The following EPS8 variants were observed in gnomAD, a reference collection of about 807,000 sequenced individuals.
The protein encoded by EPS8 is epidermal growth factor receptor kinase substrate 8.
A neutral mutation model predicts 103.8 loss-of-function variants in EPS8; 42 were observed. The ratio of observed to expected loss-of-function variants is 0.40; its 90% CI spans 0.32 to 0.52. EPS8 has a LOEUF of 0.52. EPS8 is among the 20% of genes least tolerant of loss of function. The pLI, the probability that EPS8 is intolerant of heterozygous loss-of-function variation, is 0.40. For synonymous variants in EPS8, 344 were observed against 344.6 expected (o/e 1.00, Z 0.02); for missense variants, 969 against 1,005.1 (o/e 0.96, Z 0.49).
Position 15,696,457 on chromosome 12 carries a change from T to C in EPS8, c.-21-13485A>G, listed in dbSNP as rs1946244267. On this transcript the variant is annotated intron_variant, in intron 1 of 20. Coordinates refer to ENST00000281172, the MANE Select transcript of EPS8 (RefSeq NM_004447.6). This position sits in a 1 kb window ranked among gnomAD's most constrained non-coding sequence, Gnocchi z 4.8. ...GAGTTCAAGACCAGCCTGGCCAGCA[T>C]CGTGAAACCCCATTTTTACTAAAAA... 6.6e-6 allele frequency among the ~76,000 whole-genome samples: 1 copy of C among 152,058 alleles called. No homozygotes were observed. The highest frequency in any genetic ancestry group is 1.5e-5 in the Non-Finnish European group (1 of 67,972).
intron 1 of EPS8, among the ~76,000 whole-genome samples, chr12:15,773,450 T>C (rs910747677): frequency 1.3e-5 from 2 of 151,920 alleles, no homozygotes; most frequent in African/African-American, 2.4e-5. Flanking sequence ...ATTAAACATA[T>C]GCACAGGACC....
At chr12:15,645,323 G>T (rs563997622) in intron 15 of EPS8, among the ~76,000 whole-genome samples, 330 of 152,024 alleles carry the variant, frequency 2.2e-3, no homozygotes, top group African/African-American at 7.4e-3. Context: ...CAATGATTAT[G>T]TTTCTCTTTT....
At position 15,715,394 on chromosome 12, in the gene EPS8, C is replaced by CTTTTTTTT. The variant is rs3086457; in HGVS notation, c.-21-32430_-21-32423dup. ...TTTCTTTTTTTTTTTCTTTACTTTT[C>CTTTTTTTT]TTTTTTTTTTTTTTTTGAGATGGAG... On this transcript the variant is annotated intron_variant, in intron 1 of 20. Coordinates refer to ENST00000281172, the MANE Select transcript of EPS8 (RefSeq NM_004447.6). Among the ~76,000 whole-genome samples the CTTTTTTTT allele has an allele frequency of 5.4e-4, 69 of 127,144 alleles. 4 individuals are homozygous for CTTTTTTTT. Among genetic ancestry groups the CTTTTTTTT allele is most frequent in the Non-Finnish European group, 8.4e-4 (53 of 63,228 alleles). 83.4% of individuals were successfully genotyped at this position (127,144 alleles called of 152,430 possible).
Position 15,621,332 on chromosome 12 carries a change from T to C in EPS8, c.2454A>G (p.Glu818=). The change falls in exon 21 of 21, where the codon GAA becomes GAG. Residue 818 remains glutamate, a synonymous_variant. Transcript: ENST00000281172. ...AACAAACAAATTAGTGACTGCTTCCTTCATCAAAAGATTCCACTCCTGAAT... is the reference window on the plus strand; with the variant it reads ...AACAAACAAATTAGTGACTGCTTCCCTCATCAAAAGATTCCACTCCTGAAT... ...ASDSGVESFD[E]GSSH is the part of the protein sequence containing the mutation. 5.1e-6 allele frequency: 8 copies of C among 1,575,864 alleles called. No homozygotes were observed. Among genetic ancestry groups the C allele is most frequent in the Non-Finnish European group, 6.9e-6 (8 of 1,160,412 alleles).
chr12:15,654,973 T>C (rs2135798255), intron 12 of EPS8, among the ~76,000 whole-genome samples: 1 of 152,258 alleles, frequency 6.6e-6, no homozygotes, highest in South Asian at 2.1e-4. Flanking sequence ...TTACTTCTTA[T>C]GAGCTATTTT....
At chr12:15,726,073 G>T (rs1024418474) in intron 1 of EPS8, among the ~76,000 whole-genome samples, 1 of 152,102 alleles carries the variant, frequency 6.6e-6, no homozygotes. Flanking sequence ...CATGAAAATT[G>T]AATAGACAGA....
At chr12:15,766,503 A>T (rs1947098328) in intron 1 of EPS8, among the ~76,000 whole-genome samples, 1 of 151,192 alleles carries the variant, frequency 6.6e-6, no homozygotes, top group Admixed American at 6.6e-5. Flanking sequence ...TCTCAAAAAA[A>T]AAAAAAAATA....
intron 15 of EPS8, among the ~76,000 whole-genome samples, chr12:15,644,370 T>C (rs1170803327): frequency 6.6e-6 from 1 of 152,190 alleles, no homozygotes; most frequent in African/African-American, 2.4e-5. Context: ...GCCCAATTCA[T>C]GTGCCACTTT....
At position 15,769,412 on chromosome 12, in the gene EPS8, C is replaced by G. The variant is rs1301698258; in HGVS notation, c.-22+19749G>C. On this transcript the variant is annotated intron_variant, in intron 1 of 20. Transcript: ENST00000281172. The surrounding 1 kb of genome is among the most constrained non-coding windows in gnomAD (Gnocchi z 4.6). ...AAAAAATAAATGAAAAATGCATTTT[C>G]AAGGATATATTAAAGAAAATCACTC... Among the ~76,000 whole-genome samples the G allele has an allele frequency of 3.3e-5, 5 of 151,876 alleles. No individual in the cohort carries two copies. The highest frequency in any genetic ancestry group is 1.2e-4 in the African/African-American group (5 of 41,336).
chr12:15,649,312 T>C (rs1262609443), intron 14 of EPS8, among the ~76,000 whole-genome samples: 2 of 152,194 alleles, frequency 1.3e-5, no homozygotes, highest in African/African-American at 4.8e-5. Context: ...GAGGCATACA[T>C]TATAAAGTGA....
Position 15,779,587 on chromosome 12 carries a change from T to C in EPS8, c.-22+9574A>G, listed in dbSNP as rs1028707468. ...AATATCTCAATAATATACATGTATT[T>C]CTATAATAAGGAATAACTTAGTAAT... On this transcript the variant is annotated intron_variant, in intron 1 of 20. Coordinates refer to ENST00000281172, the MANE Select transcript of EPS8 (RefSeq NM_004447.6). This position sits in a 1 kb window ranked among gnomAD's most constrained non-coding sequence, Gnocchi z 4.3. Among the ~76,000 whole-genome samples the C allele has an allele frequency of 6.6e-6, 1 of 152,228 alleles. No individual in the cohort carries two copies. The highest frequency in any genetic ancestry group is 2.4e-5 in the African/African-American group (1 of 41,468).
At chr12:15,720,067 C>T (rs957801871) in intron 1 of EPS8, among the ~76,000 whole-genome samples, 1 of 152,138 alleles carries the variant, frequency 6.6e-6, no homozygotes, top group Non-Finnish European at 1.5e-5. Flanking sequence ...AGACTCATAT[C>T]CCAACTCCAT....
At chr12:15,638,534 T>C (rs1298311629) in intron 17 of EPS8, among the ~76,000 whole-genome samples, 5 of 152,202 alleles carry the variant, frequency 3.3e-5, no homozygotes, top group Admixed American at 6.5e-5. Flanking sequence ...TGTACACATT[T>C]CTACACACAC....
At chr12:15,643,868 A>G (rs1945275652) in intron 15 of EPS8, among the ~76,000 whole-genome samples, 1 of 152,162 alleles carries the variant, frequency 6.6e-6, no homozygotes, top group South Asian at 2.1e-4. Context: ...AGACATAGAG[A>G]CAGCAGTAAT....
At chr12:15,669,100 T>G (rs541707049) in intron 6 of EPS8, among the ~76,000 whole-genome samples, 1 of 152,168 alleles carries the variant, frequency 6.6e-6, no homozygotes, top group Admixed American at 6.5e-5. Context: ...TGCCATGTTG[T>G]CCAGGCTGGG....
In EPS8 at chr12:15,721,961, A is replaced by T. The variant is rs1159858971; in HGVS notation, c.-21-38989T>A. ...TTATAAATTTTTCTAGTTTTTTTTT[A>T]ATGCATACATACTTTTTTTTTTCAA... On this transcript the variant is annotated intron_variant, in intron 1 of 20. Transcript: ENST00000281172. This position sits in a 1 kb window ranked among gnomAD's most constrained non-coding sequence, Gnocchi z 4.4. Among the ~76,000 whole-genome samples the T allele has an allele frequency of 6.6e-6, 1 of 151,758 alleles. No homozygotes were observed. The highest frequency in any genetic ancestry group is 1.5e-5 in the Non-Finnish European group (1 of 67,942).
At chr12:15,711,474 T>C (rs1321494868) in intron 1 of EPS8, among the ~76,000 whole-genome samples, 3 of 152,178 alleles carry the variant, frequency 2.0e-5, no homozygotes, top group African/African-American at 7.2e-5. Flanking sequence ...ACCTCTTTTA[T>C]AACTCAAGCT....
In EPS8 at chr12:15,772,579, G is replaced by A. The variant is rs1450442233; in HGVS notation, c.-22+16582C>T. Among the ~76,000 whole-genome samples the A allele has an allele frequency of 3.3e-5, 5 of 152,242 alleles. No individual in the cohort carries two copies. The highest frequency in any genetic ancestry group is 1.2e-4 in the African/African-American group (5 of 41,532). On this transcript the variant is annotated intron_variant, in intron 1 of 20. Transcript: ENST00000281172. The surrounding 1 kb of genome is among the most constrained non-coding windows in gnomAD (Gnocchi z 5.0). ...AAATAAATAAATAAATAAAGCATTGGCTCTCACTGCTGCCAACAGATGGTG... is the reference window on the plus strand; with the variant it reads ...AAATAAATAAATAAATAAAGCATTGACTCTCACTGCTGCCAACAGATGGTG...
rs71042268 is a variant in EPS8 at position 15,768,429 on chromosome 12, CAAAAAA to C, written c.-22+20726_-22+20731del. Among the ~76,000 whole-genome samples the C allele has an allele frequency of 3.4e-3, 85 of 24,850 alleles. 1 individual carries two copies. The highest frequency in any genetic ancestry group is 0.021 in the East Asian group (23 of 1,120). 16.3% of individuals were successfully genotyped at this position (24,850 alleles called of 152,430 possible). On this transcript the variant is annotated intron_variant, in intron 1 of 20. Transcript: ENST00000281172. ...CTCTAGCCTGCAAGAGACTCCATCT[CAAAAAA>C]AAAAAAAAAAAAAAAAAAAAGAATT...
Sources: gnomAD v4.1 joint callset for allele counts (sites outside exome capture counted in the v4.1 genomes callset) on GRCh38, gnomAD v4.1.1 for gene constraint, Gnocchi (gnomAD v3.1) non-coding constraint, MANE v1.5 for transcripts, NCBI Gene and HGNC (gene_info 2026-07-23, HGNC 2026-07-21) for gene names.